Variants in ALS2 observed in about 807,000 individuals in gnomAD.
ALS2 encodes the protein alsin.
Under a neutral mutation model 203.4 loss-of-function variants are expected in ALS2, and 117 were observed. The observed-to-expected ratio is 0.58, with a 90% CI of 0.50 to 0.67. ALS2 has a LOEUF of 0.67. ALS2 is among the 30% of genes least tolerant of loss of function. ALS2 has a pLI of 0.00. For synonymous variants in ALS2, 718 were observed against 725.9 expected (o/e 0.99, Z 0.17); for missense variants, 1,715 against 1,989.4 (o/e 0.86, Z 2.62).
chr2:201,714,436 T>A (rs902377363), intron 25 of ALS2, among the ~76,000 whole-genome samples: 1 of 152,184 alleles, frequency 6.6e-6, no homozygotes, highest in Admixed American at 6.5e-5. Context: ...GTGTTGTGTG[T>A]GACTCATCCC....
Position 201,725,458 on chromosome 2 carries a change from C to T in ALS2, c.3249-4G>A, listed in dbSNP as rs1245578937. On this transcript the variant is annotated splice_region_variant and splice_polypyrimidine_tract_variant and intron_variant, in intron 19 of 33. Coordinates refer to ENST00000264276, the MANE Select transcript of ALS2 (RefSeq NM_020919.4). ...TGGGATTCTGTATTCTCCATACCTG[C>T]CATGAAAAAGAAAAAATAACAAAAG... The T allele has an allele frequency of 1.2e-6, 2 of 1,609,714 alleles. No homozygotes were observed. The highest frequency in any genetic ancestry group is 1.7e-6 in the Non-Finnish European group (2 of 1,176,322).
Position 201,757,430 on chromosome 2 carries a change from T to C in ALS2, c.1443A>G (p.Arg481=). The C allele has an allele frequency of 6.2e-7, 1 of 1,612,998 alleles. No individual in the cohort carries two copies. The highest frequency in any genetic ancestry group is 1.1e-5 in the South Asian group (1 of 91,008). The stretch of plus-strand genomic sequence containing the variant: ...GTGACAACAATCCAGGGAGGGAGAG[T>C]CTTCGACTGCCTCCCTCTGTTTCTT... ...REEETEGGSR[R]LSLPGLLSQV... is the part of the protein sequence containing the mutation. Residue 481 remains arginine (R), a synonymous_variant, in exon 5 of 34, where the codon AGA becomes AGG. Transcript: ENST00000264276.
At chr2:201,749,629 T>C in intron 8 of ALS2, 83 bp downstream of exon 8, 1 of 1,289,530 alleles carries the variant, frequency 7.8e-7, no homozygotes, top group South Asian at 1.2e-5. Flanking sequence ...ATTCCCCCGA[T>C]ATTTTAAAAT....
Position 201,701,602 on chromosome 2 carries a change from G to A in ALS2, c.*249C>T. 2.4e-6 allele frequency: 1 copy of A among 425,082 alleles called. No individual in the cohort carries two copies. Among genetic ancestry groups the A allele is most frequent in the East Asian group, 3.6e-5 (1 of 27,444 alleles). 26.3% of individuals were successfully genotyped at this position (425,082 alleles called of 1,614,324 possible). On this transcript the variant is annotated 3_prime_UTR_variant, in exon 34 of 34. Transcript: ENST00000264276. ...CAAATAGTAGATAAATGGTATTTTTGGAACTTATCATAGGCCAAGAACTGG... is the reference window on the plus strand; with the variant it reads ...CAAATAGTAGATAAATGGTATTTTTAGAACTTATCATAGGCCAAGAACTGG...
At chr2:201,723,211 T>A in intron 22 of ALS2, 91 bp from the exon 23 acceptor site, 2 of 1,394,816 alleles carry the variant, frequency 1.4e-6, no homozygotes, top group Non-Finnish European at 2.0e-6. Context: ...CCTTATGGAA[T>A]CTTAAAAGAA....
intron 1 of ALS2, among the ~76,000 whole-genome samples, chr2:201,773,848 A>G (rs938945961): frequency 2.0e-5 from 3 of 152,212 alleles, no homozygotes; most frequent in African/African-American, 7.2e-5. Context: ...CCGTGGGCAC[A>G]TGAAAGCAAA....
Position 201,709,879 on chromosome 2 carries a change from A to G in ALS2, c.4280+2T>C. ...GCAGACTTTAGTGAAAAGCTCTCTTACCTCACCAGCTGGAAAATTCGCTTA... is the reference window on the plus strand; with the variant it reads ...GCAGACTTTAGTGAAAAGCTCTCTTGCCTCACCAGCTGGAAAATTCGCTTA... On this transcript the variant is annotated splice_donor_variant, in intron 27 of 33. Transcript: ENST00000264276. LOFTEE classifies it high-confidence loss of function. 6.2e-7 allele frequency: 1 copy of G among 1,614,030 alleles called. No individual in the cohort carries two copies.
rs1209587126 is a variant in ALS2 at position 201,743,774 on chromosome 2, C to T, written c.2170+484G>A. On this transcript the variant is annotated intron_variant, in intron 10 of 33. Transcript: ENST00000264276. ...ACAGGAGTGAGCCACCAAGCCCAGT[C>T]GGATAAGAGCTTTAACACTCTTATA... is the stretch of plus-strand genomic sequence containing the variant. 3.3e-5 allele frequency among the ~76,000 whole-genome samples: 5 copies of T among 152,162 alleles called. No homozygotes were observed. In the East Asian group the frequency reaches 5.8e-4, roughly 18 times the overall value.
intron 29 of ALS2, 74 bp from the exon 30 acceptor site, chr2:201,705,535 A>T: frequency 8.5e-7 from 1 of 1,176,024 alleles, no homozygotes; most frequent in South Asian, 1.3e-5. Context: ...AATAGTTGAC[A>T]GCTATATTGG....
intron 1 of ALS2, among the ~76,000 whole-genome samples, chr2:201,774,773 T>A (rs975096940): frequency 6.6e-6 from 1 of 152,160 alleles, no homozygotes; most frequent in Non-Finnish European, 1.5e-5. Flanking sequence ...ATGTTCCAGG[T>A]ATTATGCTAG....
intron 33 of ALS2, 57 bp from the exon 34 acceptor site, chr2:201,701,946 G>T: frequency 6.6e-7 from 1 of 1,520,036 alleles, no homozygotes; most frequent in Non-Finnish European, 9.1e-7. Context: ...TACATAAAGA[G>T]AGCAATGCAT....
At chr2:201,726,295 A>AC (rs1476088612) in intron 19 of ALS2, among the ~76,000 whole-genome samples, 189 bp downstream of exon 19, 1 of 152,174 alleles carries the variant, frequency 6.6e-6, no homozygotes, top group African/African-American at 2.4e-5. Context: ...AGGGAAAATG[A>AC]CCCAGTCTAG....
intron 4 of ALS2, among the ~76,000 whole-genome samples, chr2:201,758,248 GA>G: frequency 6.6e-6 from 1 of 152,208 alleles, no homozygotes; most frequent in Middle Eastern, 3.4e-3. Context: ...AGCTTTCCCT[GA>G]AATGCTTTAT....
At chr2:201,707,043 A>T in intron 28 of ALS2, 21 bp from the exon 29 acceptor site, 1 of 1,602,414 alleles carries the variant, frequency 6.2e-7, no homozygotes, top group East Asian at 2.3e-5. Flanking sequence ...ATGGAGTGGG[A>T]GAAAAGGAGC....
chr2:201,755,896 A>C (rs1273428253), intron 5 of ALS2, among the ~76,000 whole-genome samples: 2 of 152,210 alleles, frequency 1.3e-5, no homozygotes, highest in Non-Finnish European at 2.9e-5. Flanking sequence ...CTTAGTCATT[A>C]GGTCATTAAC....
chr2:201,710,930 A>G (rs1446721587), intron 26 of ALS2, 61 bp downstream of exon 26: 6 of 1,006,024 alleles, frequency 6.0e-6, no homozygotes, highest in African/African-American at 1.6e-5. Flanking sequence ...TATCTGAATG[A>G]TATATTGTGG....
intron 8 of ALS2, 46 bp downstream of exon 8, chr2:201,749,666 C>T: frequency 6.9e-7 from 1 of 1,455,184 alleles, no homozygotes; most frequent in Non-Finnish European, 9.7e-7. Flanking sequence ...TAAGGTGTTA[C>T]AGCTAAGAAT....
chr2:201,760,800 T>C, intron 4 of ALS2, 81 bp downstream of exon 4: 1 of 1,503,978 alleles, frequency 6.6e-7, no homozygotes, highest in Non-Finnish European at 8.9e-7. Flanking sequence ...TACCAAGCCT[T>C]ACTCATTTTA....
chr2:201,723,515 G>T (rs1251095533), intron 21 of ALS2, 74 bp from the exon 22 acceptor site: 30 of 1,258,556 alleles, frequency 2.4e-5, no homozygotes, highest in Non-Finnish European at 1.5e-5. Context: ...TTATCACATG[G>T]GAGATCCCAG....
Sources: allele counts gnomAD v4.1 joint callset (sites outside exome capture counted in the v4.1 genomes callset), GRCh38; gene constraint gnomAD v4.1.1; transcripts MANE v1.5; gene names NCBI Gene and HGNC (gene_info 2026-07-23, HGNC 2026-07-21).